PPP1CB: variants seen among roughly 807,000 people sequenced by gnomAD.
The protein encoded by PPP1CB is protein phosphatase 1 catalytic subunit beta.
In PPP1CB, 2 loss-of-function variants were observed where a neutral mutation model predicts 43.7. That is an observed-to-expected ratio of 0.05 (90% confidence interval 0.02 to 0.14). PPP1CB has a LOEUF of 0.14. Ranked by LOEUF, PPP1CB falls within the 10% of genes least tolerant of loss-of-function variation. PPP1CB has a pLI of 1.00. For missense variants in PPP1CB, 84 were observed against 398.0 expected, an observed-to-expected ratio of 0.21 and a Z score of 6.71; for synonymous variants, 136 against 135.6, an observed-to-expected ratio of 1.00 and a Z score of -0.02.
intron 1 of PPP1CB, among the ~76,000 whole-genome samples, chr2:28,756,154 C>T (rs1666484648): frequency 6.6e-6 from 1 of 152,032 alleles, no homozygotes; most frequent in Admixed American, 6.6e-5. Flanking sequence ...TCAAAAATAC[C>T]GAAAAGCGAT....
At chr2:28,798,299 C>T (rs1351835358) in intron 7 of PPP1CB, among the ~76,000 whole-genome samples, 2 of 152,094 alleles carry the variant, frequency 1.3e-5, no homozygotes, top group Non-Finnish European at 2.9e-5. Flanking sequence ...AATCTTCATA[C>T]ATTAATGGTG....
At chr2:28,773,008 A>G (rs1666947057) in intron 1 of PPP1CB, among the ~76,000 whole-genome samples, 1 of 152,214 alleles carries the variant, frequency 6.6e-6, no homozygotes, top group African/African-American at 2.4e-5. Context: ...CATCAAATCA[A>G]TATATACTGA....
chr2:28,756,946 A>G (rs927813000), intron 1 of PPP1CB, among the ~76,000 whole-genome samples: 1 of 152,200 alleles, frequency 6.6e-6, no homozygotes, highest in Non-Finnish European at 1.5e-5. Context: ...GATTTTTAGT[A>G]TACTATAGAG....
chr2:28,752,736 G>A (rs1246492121), intron 1 of PPP1CB, among the ~76,000 whole-genome samples: 1 of 152,180 alleles, frequency 6.6e-6, no homozygotes, highest in East Asian at 1.9e-4. Flanking sequence ...CTTAAAGAGA[G>A]GATAAAATTA....
intron 1 of PPP1CB, among the ~76,000 whole-genome samples, chr2:28,766,506 C>T (rs1666779725): frequency 6.6e-6 from 1 of 152,214 alleles, no homozygotes; most frequent in South Asian, 2.1e-4. Flanking sequence ...CATATCTTAG[C>T]AGATTACACT....
At chr2:28,771,425 G>C (rs892358651) in intron 1 of PPP1CB, among the ~76,000 whole-genome samples, 3 of 151,878 alleles carry the variant, frequency 2.0e-5, no homozygotes, top group Admixed American at 6.6e-5. Flanking sequence ...ACATTTGAAA[G>C]TTCAAAAGGA....
intron 4 of PPP1CB, chr2:28,782,856 G>A (rs536296545): frequency 6.2e-4 from 95 of 152,300 alleles, no homozygotes; most frequent in African/African-American, 1.9e-3. Context: ...CACTTGCCTA[G>A]GCCCGAGGTA....
intron 5 of PPP1CB, 113 bp downstream of exon 5, chr2:28,784,091 A>T: frequency 1.4e-6 from 1 of 724,322 alleles, no homozygotes. Flanking sequence ...AGCTTTTTTC[A>T]TAGTCAATAA....
chr2:28,769,870 A>G (rs760847104), intron 1 of PPP1CB, among the ~76,000 whole-genome samples: 1 of 152,204 alleles, frequency 6.6e-6, no homozygotes, highest in Non-Finnish European at 1.5e-5. Flanking sequence ...CTCCAAAGAA[A>G]TGCAGGGAAA....
intron 1 of PPP1CB, among the ~76,000 whole-genome samples, chr2:28,766,659 C>T (rs958711714): frequency 6.6e-6 from 1 of 152,168 alleles, no homozygotes; most frequent in South Asian, 2.1e-4. Flanking sequence ...ATTGGTAATA[C>T]CTGTCATCGA....
chr2:28,761,161 A>G (rs1373113411), intron 1 of PPP1CB, among the ~76,000 whole-genome samples: 1 of 152,110 alleles, frequency 6.6e-6, no homozygotes, highest in Non-Finnish European at 1.5e-5. Flanking sequence ...AATTGCTGGG[A>G]TTACTGGGGT....
chr2:28,774,512 A>G (rs932904668), intron 1 of PPP1CB, among the ~76,000 whole-genome samples: 2 of 151,362 alleles, frequency 1.3e-5, no homozygotes, highest in African/African-American at 4.9e-5. Context: ...TGCAACCTCC[A>G]CCTCCTGGGT....
chr2:28,751,778 T>G, upstream of PPP1CB: 2 of 368,718 alleles, frequency 5.4e-6, no homozygotes, highest in South Asian at 2.3e-5. Context: ...GCAAGGGACG[T>G]GCGGAGTGAG....
chr2:28,764,526 T>G (rs1347320016), intron 1 of PPP1CB, among the ~76,000 whole-genome samples: 4 of 152,142 alleles, frequency 2.6e-5, no homozygotes, highest in African/African-American at 9.7e-5. Context: ...TCTGCCTTTT[T>G]GTTGCTTAAA....
intron 7 of PPP1CB, among the ~76,000 whole-genome samples, chr2:28,795,004 C>T (rs10210252): frequency 0.13 from 20,137 of 152,050 alleles, 1,739 homozygotes; most frequent in African/African-American, 0.24. Flanking sequence ...ACCCTTTCCA[C>T]TCTAGTAGTC....
rs1320977268 is a variant in PPP1CB, at chr2:28,751,964, C to T, written c.-161C>T. On this transcript the variant is annotated 5_prime_UTR_variant, in exon 1 of 8. Coordinates refer to ENST00000395366, the MANE Select transcript of PPP1CB (RefSeq NM_002709.3). ...GTGTGCGCGCGCTCTCGCTACCCGG[C>T]GGGGAGGGGGTGGGGGGAGGGCCCG... 2 of 595,342 alleles carry T rather than the reference C, an allele frequency of 3.4e-6. No individual in the cohort carries two copies. Among genetic ancestry groups the T allele is most frequent in the African/African-American group, 4.2e-5 (1 of 23,862 alleles). The allele number at this position is 595,342 out of a possible 1,614,324, so 36.9% of individuals were successfully genotyped here. A position where few individuals can be genotyped will look rare whatever the true frequency, so the allele number is the denominator to read the frequency against.
At chr2:28,766,800 C>T (rs1019925281) in intron 1 of PPP1CB, among the ~76,000 whole-genome samples, 3 of 152,120 alleles carry the variant, frequency 2.0e-5, no homozygotes, top group African/African-American at 4.8e-5. Context: ...TTTATTGTCT[C>T]AGCTGGGGTG....
At chr2:28,763,156 A>G (rs963516513) in intron 1 of PPP1CB, among the ~76,000 whole-genome samples, 2 of 152,162 alleles carry the variant, frequency 1.3e-5, no homozygotes, top group African/African-American at 4.8e-5. Context: ...TGCGACAACC[A>G]TTGTACTTTG....
intron 1 of PPP1CB, among the ~76,000 whole-genome samples, chr2:28,752,941 G>A (rs1666363509): frequency 6.6e-6 from 1 of 152,186 alleles, no homozygotes; most frequent in African/African-American, 2.4e-5. Context: ...AGCCTGTCTT[G>A]TATTCGAAAG....
Sources: gnomAD v4.1 joint callset for allele counts (sites outside exome capture counted in the v4.1 genomes callset) on GRCh38, gnomAD v4.1.1 for gene constraint, MANE v1.5 for transcripts, NCBI Gene and HGNC (gene_info 2026-07-23, HGNC 2026-07-21) for gene names.